The following RAD17 variants were observed in gnomAD, a reference collection of about 807,000 sequenced individuals.
RAD17 encodes RAD17 checkpoint clamp loader component.
Under a neutral mutation model 81.5 loss-of-function variants are expected in RAD17, and 31 were observed. That is an observed-to-expected ratio of 0.38 (90% CI 0.29 to 0.51). The LOEUF (loss-of-function observed/expected upper bound fraction) is 0.51, where lower values mean the gene tolerates loss of function less well. Ranked by LOEUF, RAD17 falls within the 20% of genes least tolerant of loss-of-function variation. The pLI is 0.88. For missense variants in RAD17, 681 were observed against 781.2 expected, an observed-to-expected ratio of 0.87 and a Z score of 1.53; for synonymous variants, 261 against 266.2, an observed-to-expected ratio of 0.98 and a Z score of 0.19.
chr5:69,389,680 G>A (rs1305236169), intron 12 of RAD17, among the ~76,000 whole-genome samples: 1 of 152,164 alleles, frequency 6.6e-6, no homozygotes, highest in Non-Finnish European at 1.5e-5. Flanking sequence ...TCGCTCTGCC[G>A]CCCGGGCTGG....
chr5:69,372,486 A>G (rs1763067655), intron 4 of RAD17, among the ~76,000 whole-genome samples: 2 of 152,336 alleles, frequency 1.3e-5, no homozygotes, highest in African/African-American at 4.8e-5. Context: ...TTAGCCAGGC[A>G]GTAGATTCTA....
chr5:69,388,418 ATGT>A (rs926169282), intron 11 of RAD17, among the ~76,000 whole-genome samples: 1 of 152,110 alleles, frequency 6.6e-6, no homozygotes, highest in Non-Finnish European at 1.5e-5. Flanking sequence ...GTACACATAT[ATGT>A]TGTTATATAT....
intron 16 of RAD17, among the ~76,000 whole-genome samples, chr5:69,397,709 A>C (rs190162197): frequency 4.6e-4 from 70 of 152,330 alleles, no homozygotes; most frequent in African/African-American, 1.4e-3. Context: ...AGGAGGAATA[A>C]GTTTTTTTTG....
At chr5:69,394,300 G>A (rs1237635956) in intron 15 of RAD17, among the ~76,000 whole-genome samples, 4 of 150,998 alleles carry the variant, frequency 2.6e-5, no homozygotes, top group African/African-American at 4.9e-5. Context: ...GAGCTCAAGC[G>A]ATCTGCCTGC....
chr5:69,392,793 A>G (rs1257640437), intron 13 of RAD17: 17 of 456,948 alleles, frequency 3.7e-5, no homozygotes, highest in South Asian at 2.5e-4. Flanking sequence ...GTATTCTTTC[A>G]TGTAGAGAGC....
intron 5 of RAD17, 102 bp downstream of exon 5, chr5:69,374,189 AG>A: frequency 9.3e-7 from 1 of 1,076,526 alleles, no homozygotes; most frequent in Admixed American, 2.5e-5. Context: ...TTTACTCATA[AG>A]AATCTTTCTA....
chr5:69,369,316 G>T, upstream of RAD17: 1 of 648,340 alleles, frequency 1.5e-6, no homozygotes, highest in Non-Finnish European at 2.2e-6. Flanking sequence ...GCGAGGGTCG[G>T]CTCCCGGGGC....
At chr5:69,386,649 A>G (rs546416988) in intron 11 of RAD17, among the ~76,000 whole-genome samples, 184 bp downstream of exon 11, 110 of 152,198 alleles carry the variant, frequency 7.2e-4, no homozygotes, top group Non-Finnish European at 1.3e-3. Context: ...ACATTTTTCT[A>G]CTATTAAACT....
chr5:69,390,295 C>T (rs1025759078), intron 12 of RAD17, among the ~76,000 whole-genome samples: 1 of 152,068 alleles, frequency 6.6e-6, no homozygotes, highest in African/African-American at 2.4e-5. Flanking sequence ...TGTGCTCTTT[C>T]TGCTGTTCAA....
Position 69,372,160 on chromosome 5 carries a change from A to C in RAD17, c.-49A>C. On this transcript the variant is annotated 5_prime_UTR_variant, in exon 4 of 19. Coordinates refer to ENST00000354868, the MANE Select transcript of RAD17 (RefSeq NM_133338.3). The stretch of plus-strand genomic sequence containing the variant: ...TTTCATACTCTCAAAAATATAGAGG[A>C]AAGGGGCCAAGATTATAGTACCAGT... The C allele has an allele frequency of 6.3e-7, 1 of 1,593,032 alleles. No individual in the cohort carries two copies. Among genetic ancestry groups the C allele is most frequent in the Non-Finnish European group, 8.6e-7 (1 of 1,166,956 alleles).
chr5:69,387,639 C>T (rs969640808), intron 11 of RAD17, among the ~76,000 whole-genome samples: 1 of 152,108 alleles, frequency 6.6e-6, no homozygotes, highest in Non-Finnish European at 1.5e-5. Flanking sequence ...GGGTGTATCA[C>T]CTGAGGTCAG....
chr5:69,372,869 G>T (rs1335964596), intron 4 of RAD17, among the ~76,000 whole-genome samples: 2 of 152,144 alleles, frequency 1.3e-5, no homozygotes, highest in African/African-American at 4.8e-5. Flanking sequence ...CTCTGCCTCT[G>T]AATGTGCTGG....
At chr5:69,400,208 G>GTTTATTTA (rs3857278) in intron 17 of RAD17, 39 bp downstream of exon 17, 889,860 of 1,022,620 alleles carry the variant, frequency 0.87, 404,428 homozygotes, top group Non-Finnish European at 0.91. Flanking sequence ...AAGAAGTAGG[G>GTTTATTTA]TTTATTTATT....
chr5:69,373,536 CTACAAAAAA>C (rs1477263769), intron 4 of RAD17, among the ~76,000 whole-genome samples: 1 of 151,936 alleles, frequency 6.6e-6, no homozygotes, highest in East Asian at 1.9e-4. Context: ...AAACCCATCT[CTACAAAAAA>C]TACAAAAAAA....
rs1764604313 is a variant in RAD17, at chr5:69,392,403, A to G, written c.1189+390A>G. 3.9e-5 allele frequency among the ~76,000 whole-genome samples: 6 copies of G among 152,236 alleles called. No homozygotes were observed. In the South Asian group the frequency reaches 1.2e-3, roughly 32 times the overall value. On this transcript the variant is annotated intron_variant, in intron 13 of 18. Transcript: ENST00000354868. ...TTAAGGTTTCTTTCAATCGTCTTGTATTTCTCTAATTTACAAGCGTTCTGT... is the reference window on the plus strand; with the variant it reads ...TTAAGGTTTCTTTCAATCGTCTTGTGTTTCTCTAATTTACAAGCGTTCTGT...
chr5:69,406,320 T>C (rs550444073), intron 17 of RAD17, among the ~76,000 whole-genome samples: 4 of 152,232 alleles, frequency 2.6e-5, no homozygotes, highest in Admixed American at 2.6e-4. Context: ...TTCTCACTTA[T>C]ATAGGAGCTA....
Position 69,369,828 on chromosome 5 carries a change from G to A in RAD17, c.-522G>A. On this transcript the variant is annotated 5_prime_UTR_variant, in exon 1 of 19. Coordinates refer to ENST00000354868, the MANE Select transcript of RAD17 (RefSeq NM_133338.3). ...GGTCCCCGGGAGGCCGTACCTCCGA[G>A]AGGCTCGGCGTTGAGCCCGGGTAGG... is the stretch of plus-strand genomic sequence containing the variant. 2.0e-6 allele frequency: 2 copies of A among 994,116 alleles called. No individual in the cohort carries two copies. Among genetic ancestry groups the A allele is most frequent in the East Asian group, 2.7e-5 (1 of 37,266 alleles). The allele number at this position is 994,116 out of a possible 1,614,324, so 61.6% of individuals were successfully genotyped here. A position where few individuals can be genotyped will look rare whatever the true frequency, so the allele number is the denominator to read the frequency against.
chr5:69,381,443 T>C (rs1228193704), intron 6 of RAD17, among the ~76,000 whole-genome samples: 1 of 151,286 alleles, frequency 6.6e-6, no homozygotes, highest in Non-Finnish European at 1.5e-5. Context: ...ATTATGCCAC[T>C]GCACTCCAGC....
rs114973845 is a variant in RAD17 at position 69,410,574 on chromosome 5, A to G, written c.1751+24A>G. Reference sequence around the variant, plus strand: ...AGGTAAGCTGATCATCTCAATTTCCAAAAAGCTGATAATGAAATGTCTACT... The same window carrying G: ...AGGTAAGCTGATCATCTCAATTTCCGAAAAGCTGATAATGAAATGTCTACT... On this transcript the variant is annotated intron_variant, in intron 18 of 18. Coordinates refer to ENST00000354868, the MANE Select transcript of RAD17 (RefSeq NM_133338.3). 3,060 of 1,602,954 alleles carry G rather than the reference A, an allele frequency of 1.9e-3. 58 individuals carry two copies. The African/African-American group carries it at 0.037, about 19-fold the overall frequency.
Sources: gnomAD v4.1 joint callset for allele counts (sites outside exome capture counted in the v4.1 genomes callset) on GRCh38, gnomAD v4.1.1 for gene constraint, MANE v1.5 for transcripts, NCBI Gene and HGNC (gene_info 2026-07-23, HGNC 2026-07-21) for gene names.